Variants in VWC2L observed in about 807,000 individuals in gnomAD.
VWC2L encodes the protein von Willebrand factor C domain-containing protein 2-like.
VWC2L carries 10 observed loss-of-function variants against 21.6 expected under a neutral mutation model. That is an observed-to-expected ratio of 0.46 (90% CI 0.29 to 0.78). The LOEUF (loss-of-function observed/expected upper bound fraction) is 0.78, where lower values mean the gene tolerates loss of function less well. Among genes scored for constraint, VWC2L ranks in the 30% least tolerant of loss-of-function variants. The pLI, the probability that VWC2L is intolerant of heterozygous loss-of-function variation, is 0.10. For synonymous variants in VWC2L, 96 were observed against 94.3 expected, an observed-to-expected ratio of 1.02 and a Z score of -0.10; for missense variants, 209 against 277.1, an observed-to-expected ratio of 0.75 and a Z score of 1.74.
At chr2:214,436,407 G>T (rs779722894) in intron 2 of VWC2L, 38 of 490,376 alleles carry the variant, frequency 7.7e-5, no homozygotes, top group Middle Eastern at 1.1e-3. Context: ...TCATACACGG[G>T]TGCTTTTCTT....
intron 3 of VWC2L, among the ~76,000 whole-genome samples, chr2:214,495,888 A>C (rs746392922): frequency 4.6e-5 from 7 of 152,196 alleles, no homozygotes; most frequent in African/African-American, 1.4e-4. Context: ...ATTTCAAAAA[A>C]GCCAACAAGT....
At chr2:214,528,847 C>A (rs1302852468) in intron 3 of VWC2L, among the ~76,000 whole-genome samples, 1 of 152,218 alleles carries the variant, frequency 6.6e-6, no homozygotes, top group African/African-American at 2.4e-5. Flanking sequence ...CATTTCTAAT[C>A]TCTTATTAAC....
At chr2:214,566,167 C>A (rs1574640494) in intron 3 of VWC2L, among the ~76,000 whole-genome samples, 1 of 152,104 alleles carries the variant, frequency 6.6e-6, no homozygotes, top group Non-Finnish European at 1.5e-5. Flanking sequence ...AAAAACTAAG[C>A]AGATTAAATG....
At chr2:214,491,618 C>A (rs1688746625) in intron 3 of VWC2L, among the ~76,000 whole-genome samples, 1 of 152,168 alleles carries the variant, frequency 6.6e-6, no homozygotes. Context: ...GGTGAAGTAA[C>A]TTCCCCAGAA....
chr2:214,415,728 C>T (rs1702344846), intron 2 of VWC2L, among the ~76,000 whole-genome samples: 1 of 152,056 alleles, frequency 6.6e-6, no homozygotes, highest in African/African-American at 2.4e-5. Flanking sequence ...CGGTTCAAGC[C>T]AGTTCTGATT....
At chr2:214,440,502 G>C (rs565099363) in intron 3 of VWC2L, among the ~76,000 whole-genome samples, 2 of 151,642 alleles carry the variant, frequency 1.3e-5, no homozygotes, top group African/African-American at 4.8e-5. Flanking sequence ...TGTTTTTATG[G>C]TATGAAAAAA....
chr2:214,427,325 A>C (rs1702539382), intron 2 of VWC2L, among the ~76,000 whole-genome samples: 2 of 152,206 alleles, frequency 1.3e-5, no homozygotes, highest in Admixed American at 6.5e-5. Flanking sequence ...CATTAGAGAC[A>C]AAAAGGAGAA....
intron 3 of VWC2L, among the ~76,000 whole-genome samples, chr2:214,557,373 A>T (rs1171243713): frequency 6.6e-6 from 1 of 152,082 alleles, no homozygotes; most frequent in Non-Finnish European, 1.5e-5. Context: ...CCATGATTAA[A>T]TTATCTCCCA....
At chr2:214,435,142 A>T (rs900832614) in intron 2 of VWC2L, among the ~76,000 whole-genome samples, 2 of 152,210 alleles carry the variant, frequency 1.3e-5, no homozygotes, top group African/African-American at 4.8e-5. Flanking sequence ...AAGAGTTTCC[A>T]TCTCTTATTT....
chr2:214,511,341 C>G lies in VWC2L; in HGVS notation c.521-64331C>G, dbSNP rs184074550. On this transcript the variant is annotated intron_variant, in intron 3 of 3. Coordinates refer to ENST00000312504, the MANE Select transcript of VWC2L (RefSeq NM_001080500.4). Reference sequence around the variant, plus strand: ...AAACCACTGTGGACTAAATTGTGGTCCCCCCTCAAATTCATATGGAAGCCC... The same window carrying G: ...AAACCACTGTGGACTAAATTGTGGTGCCCCCTCAAATTCATATGGAAGCCC... 1.7e-3 allele frequency among the ~76,000 whole-genome samples: 258 copies of G among 152,180 alleles called. 1 individual carries two copies. Among genetic ancestry groups the G allele is most frequent in the Middle Eastern group, 3.4e-3 (1 of 294 alleles).
At chr2:214,529,747 G>A (rs1285187128) in intron 3 of VWC2L, among the ~76,000 whole-genome samples, 1 of 152,130 alleles carries the variant, frequency 6.6e-6, no homozygotes, top group Non-Finnish European at 1.5e-5. Context: ...CTACACAGGG[G>A]TATCACTATA....
At chr2:214,447,401 A>G (rs989917225) in intron 3 of VWC2L, among the ~76,000 whole-genome samples, 1 of 152,110 alleles carries the variant, frequency 6.6e-6, no homozygotes, top group Non-Finnish European at 1.5e-5. Context: ...TGAAGGCACA[A>G]ATTAAGGTAC....
At chr2:214,427,640 C>T (rs1369311536) in intron 2 of VWC2L, among the ~76,000 whole-genome samples, 1 of 152,138 alleles carries the variant, frequency 6.6e-6, no homozygotes, top group Admixed American at 6.5e-5. Flanking sequence ...CCTGGGTATA[C>T]ACACACAGAG....
chr2:214,461,599 C>T (rs890832645), intron 3 of VWC2L, among the ~76,000 whole-genome samples: 2 of 152,094 alleles, frequency 1.3e-5, no homozygotes, highest in Non-Finnish European at 2.9e-5. Flanking sequence ...ATATGCACAC[C>T]TGGGGAAACT....
At chr2:214,512,965 A>T (rs534198928) in intron 3 of VWC2L, among the ~76,000 whole-genome samples, 1 of 152,180 alleles carries the variant, frequency 6.6e-6, no homozygotes, top group African/African-American at 2.4e-5. Flanking sequence ...AACTCTGGTG[A>T]TTTTCTAGGT....
At chr2:214,532,657 A>G (rs1689457767) in intron 3 of VWC2L, among the ~76,000 whole-genome samples, 1 of 152,064 alleles carries the variant, frequency 6.6e-6, no homozygotes, top group Non-Finnish European at 1.5e-5. Flanking sequence ...ATTTTTGTGT[A>G]TGGTTGTTGT....
chr2:214,472,352 T>C (rs1467688713), intron 3 of VWC2L: 2 of 152,232 alleles, frequency 1.3e-5, no homozygotes, highest in Non-Finnish European at 2.9e-5. Flanking sequence ...TAATGTTTGC[T>C]AAGTGTCAAA....
chr2:214,492,915 G>T (rs1318256456), intron 3 of VWC2L, among the ~76,000 whole-genome samples: 1 of 152,156 alleles, frequency 6.6e-6, no homozygotes, highest in African/African-American at 2.4e-5. Flanking sequence ...TGCTCACTCA[G>T]GGAGCTCATC....
chr2:214,564,151 C>T (rs1413110190), intron 3 of VWC2L, among the ~76,000 whole-genome samples: 1 of 152,072 alleles, frequency 6.6e-6, no homozygotes, highest in African/African-American at 2.4e-5. Flanking sequence ...ACAAAATACT[C>T]CTCAGAGAAA....
Sources: allele counts gnomAD v4.1 joint callset (sites outside exome capture counted in the v4.1 genomes callset), GRCh38; gene constraint gnomAD v4.1.1; transcripts MANE v1.5; gene names NCBI Gene and HGNC (gene_info 2026-07-23, HGNC 2026-07-21).